PTPRM: variants seen among roughly 807,000 people sequenced by gnomAD.
The protein encoded by PTPRM is receptor-type tyrosine-protein phosphatase mu.
In PTPRM, 47 loss-of-function variants were observed where a neutral mutation model predicts 186.7. That is an observed-to-expected ratio of 0.25 (90% confidence interval 0.20 to 0.32). The LOEUF is 0.32. Among genes scored for constraint, PTPRM ranks in the 10% least tolerant of loss-of-function variants. PTPRM has a pLI of 1.00. For synonymous variants in PTPRM, 668 were observed against 674.9 expected, an observed-to-expected ratio of 0.99 and a Z score of 0.16; for missense variants, 1,494 against 1,865.0, an observed-to-expected ratio of 0.80 and a Z score of 3.66.
At chr18:7,705,116 A>G (rs1172982879) in intron 1 of PTPRM, among the ~76,000 whole-genome samples, 2 of 152,184 alleles carry the variant, frequency 1.3e-5, no homozygotes, top group African/African-American at 2.4e-5. Context: ...GAATTACTGT[A>G]CATTCACTAG....
chr18:7,716,042 C>T (rs1448672383), intron 1 of PTPRM, among the ~76,000 whole-genome samples: 1 of 152,042 alleles, frequency 6.6e-6, no homozygotes, highest in African/African-American at 2.4e-5. Context: ...AAAAATAGTC[C>T]ATATAGTCAA....
At chr18:8,348,659 C>A (rs2095518497) in intron 23 of PTPRM, among the ~76,000 whole-genome samples, 1 of 152,224 alleles carries the variant, frequency 6.6e-6, no homozygotes, top group Non-Finnish European at 1.5e-5. Context: ...GATTCAAAAA[C>A]TCTGTTGTGG....
chr18:8,304,702 G>A (rs1231842614), intron 20 of PTPRM, among the ~76,000 whole-genome samples: 1 of 152,054 alleles, frequency 6.6e-6, no homozygotes, highest in African/African-American at 2.4e-5. Flanking sequence ...TTTGTACACT[G>A]TGGAAAACTT....
At chr18:8,272,925 A>T (rs1452805319) in intron 19 of PTPRM, among the ~76,000 whole-genome samples, 2 of 152,148 alleles carry the variant, frequency 1.3e-5, no homozygotes, top group Non-Finnish European at 2.9e-5. Context: ...CTATCTTTTA[A>T]AGTGAATTTA....
chr18:7,617,463 A>G (rs1157514456), intron 1 of PTPRM, among the ~76,000 whole-genome samples: 4 of 152,188 alleles, frequency 2.6e-5, no homozygotes, highest in Non-Finnish European at 5.9e-5. Context: ...CTTTAAAGGC[A>G]TAACCTCCCC....
intron 14 of PTPRM, among the ~76,000 whole-genome samples, chr18:8,199,350 G>A (rs1213881231): frequency 3.9e-5 from 6 of 152,134 alleles, no homozygotes; most frequent in South Asian, 2.1e-4. Context: ...CAGAGCCTGC[G>A]CTCCTCACTC....
At chr18:7,862,389 A>G (rs1216856157) in intron 2 of PTPRM, among the ~76,000 whole-genome samples, 1 of 152,220 alleles carries the variant, frequency 6.6e-6, no homozygotes, top group Admixed American at 6.5e-5. Flanking sequence ...TGTCAACTAC[A>G]TCATATTTGA....
intron 1 of PTPRM, among the ~76,000 whole-genome samples, chr18:7,710,271 C>T (rs144478682): frequency 3.2e-4 from 49 of 152,246 alleles, no homozygotes; most frequent in African/African-American, 1.2e-3. Context: ...TGATACATCA[C>T]ATAAACAGAA....
intron 9 of PTPRM, among the ~76,000 whole-genome samples, chr18:8,078,414 C>T (rs1490803024): frequency 6.6e-6 from 1 of 152,164 alleles, no homozygotes; most frequent in East Asian, 1.9e-4. Context: ...CAAACACTTG[C>T]CCCAAAAGAA....
chr18:7,749,872 C>T (rs1427890955), intron 1 of PTPRM, among the ~76,000 whole-genome samples: 2 of 152,224 alleles, frequency 1.3e-5, no homozygotes, highest in East Asian at 1.9e-4. Flanking sequence ...AAGGCCAGAC[C>T]TGTCTTCGCT....
intron 7 of PTPRM, among the ~76,000 whole-genome samples, chr18:7,956,889 G>A (rs1208068682): frequency 6.6e-6 from 1 of 152,186 alleles, no homozygotes; most frequent in African/African-American, 2.4e-5. Flanking sequence ...TTTTACCACT[G>A]CCTTATGAAT....
At position 7,812,341 on chromosome 18, in the gene PTPRM, A is replaced by T. The variant is rs572115854; in HGVS notation, c.196+38070A>T. Among the ~76,000 whole-genome samples the T allele has an allele frequency of 9.9e-4, 151 of 152,240 alleles. 1 individual carries two copies. The highest frequency in any genetic ancestry group is 3.5e-3 in the African/African-American group (147 of 41,552). The stretch of plus-strand genomic sequence containing the variant: ...GTGCACTGCTGTTGCTCTTCCTTTT[A>T]TCTCTCTCCTTCCATAAGCAGGAGC... On this transcript the variant is annotated intron_variant, in intron 2 of 32. Coordinates refer to ENST00000580170, the MANE Select transcript of PTPRM (RefSeq NM_001105244.2).
chr18:7,810,624 G>A (rs189744704), intron 2 of PTPRM, among the ~76,000 whole-genome samples: 3 of 151,998 alleles, frequency 2.0e-5, no homozygotes, highest in African/African-American at 4.8e-5. Context: ...AGACTGGGGT[G>A]GGGGGAGGAG....
intron 1 of PTPRM, among the ~76,000 whole-genome samples, chr18:7,721,943 A>G (rs1050824416): frequency 1.3e-5 from 2 of 151,804 alleles, no homozygotes; most frequent in Admixed American, 1.3e-4. Flanking sequence ...TGTTCTTAAA[A>G]TCTTGAATTT....
intron 23 of PTPRM, among the ~76,000 whole-genome samples, chr18:8,359,872 G>A (rs1032384175): frequency 1.1e-4 from 17 of 152,328 alleles, no homozygotes; most frequent in African/African-American, 3.1e-4. Flanking sequence ...CCCGTTTTGC[G>A]CACAGCAGGT....
chr18:7,867,105 T>C (rs1229359434), intron 2 of PTPRM, among the ~76,000 whole-genome samples: 1 of 152,218 alleles, frequency 6.6e-6, no homozygotes, highest in Non-Finnish European at 1.5e-5. Flanking sequence ...GCATGTGAGA[T>C]GGGTCTCCTG....
intron 1 of PTPRM, among the ~76,000 whole-genome samples, chr18:7,649,556 G>A (rs1410399301): frequency 6.6e-6 from 1 of 152,024 alleles, no homozygotes; most frequent in Non-Finnish European, 1.5e-5. Context: ...AATATTAACA[G>A]GAGTTTGGAA....
chr18:8,231,707 A>G (rs970137723), intron 14 of PTPRM, among the ~76,000 whole-genome samples: 3 of 152,068 alleles, frequency 2.0e-5, no homozygotes, highest in African/African-American at 7.2e-5. Flanking sequence ...CCTTTATTCT[A>G]CTTTACAGTT....
chr18:7,571,096 C>G (rs1016131750), intron 1 of PTPRM, among the ~76,000 whole-genome samples: 1 of 151,922 alleles, frequency 6.6e-6, no homozygotes, highest in African/African-American at 2.4e-5. Context: ...GCACCACCAC[C>G]ACCGCCAGCT....
Sources: gnomAD v4.1 joint callset for allele counts (sites outside exome capture counted in the v4.1 genomes callset) on GRCh38, gnomAD v4.1.1 for gene constraint, MANE v1.5 for transcripts, NCBI Gene and HGNC (gene_info 2026-07-23, HGNC 2026-07-21) for gene names.